SDK1: variants seen among roughly 807,000 people sequenced by gnomAD.
The protein encoded by SDK1 is sidekick cell adhesion molecule 1.
Under a neutral mutation model 245.5 loss-of-function variants are expected in SDK1, and 157 were observed. The ratio of observed to expected loss-of-function variants is 0.64; its 90% CI spans 0.56 to 0.73. The LOEUF (loss-of-function observed/expected upper bound fraction) is 0.73, where lower values mean the gene tolerates loss of function less well. SDK1 is among the 30% of genes least tolerant of loss of function. The pLI is 0.00. For missense variants in SDK1, 3,583 were observed against 3,002.3 expected (o/e 1.19, Z -4.52); for synonymous variants, 1,647 against 1,278.5 (o/e 1.29, Z -6.15).
Position 4,205,384 on chromosome 7 carries a change from C to T in SDK1, c.5099-495C>T, listed in dbSNP as rs184705912. On this transcript the variant is annotated intron_variant, in intron 35 of 44. Coordinates refer to ENST00000404826, the MANE Select transcript of SDK1 (RefSeq NM_152744.4). ...GTCAGGAGTCCTGTGACTCCCTCGCCGATAGAGCCGCAGTGACCCTGTCAC... is the reference window on the plus strand; with the variant it reads ...GTCAGGAGTCCTGTGACTCCCTCGCTGATAGAGCCGCAGTGACCCTGTCAC... Among the ~76,000 whole-genome samples, 5 of 152,204 alleles carry T rather than the reference C, an allele frequency of 3.3e-5. 1 individual carries two copies. Among genetic ancestry groups the T allele is most frequent in the Admixed American group, 6.5e-5 (1 of 15,292 alleles).
intron 1 of SDK1, among the ~76,000 whole-genome samples, chr7:3,580,989 A>AAC (rs1554292869): frequency 2.9e-5 from 4 of 136,410 alleles, no homozygotes; most frequent in Non-Finnish European, 6.3e-5. Flanking sequence ...AAAAAAAAAA[A>AAC]AAAAACCAAA....
chr7:3,353,515 G>C (rs919266935), intron 1 of SDK1, among the ~76,000 whole-genome samples: 1 of 152,134 alleles, frequency 6.6e-6, no homozygotes, highest in Non-Finnish European at 1.5e-5. Context: ...CTCTGTTTAT[G>C]CTCTTTGTAA....
chr7:3,640,987 AT>A (rs397942465), intron 3 of SDK1, among the ~76,000 whole-genome samples: 290 of 146,292 alleles, frequency 2.0e-3, no homozygotes, highest in East Asian at 6.4e-3. Context: ...CTGCGTTTAG[AT>A]TTTTTTTTTT....
At chr7:3,629,816 C>A (rs1782235978) in intron 2 of SDK1, among the ~76,000 whole-genome samples, 1 of 151,980 alleles carries the variant, frequency 6.6e-6, no homozygotes, top group Non-Finnish European at 1.5e-5. Flanking sequence ...AAAGCATGAC[C>A]CATAATCAGG....
intron 44 of SDK1, among the ~76,000 whole-genome samples, chr7:4,255,943 G>A (rs1371144344): frequency 1.4e-5 from 2 of 140,298 alleles, no homozygotes; most frequent in Admixed American, 1.4e-4. Flanking sequence ...TTTTTGAGAG[G>A]GAGTCTTGCT....
chr7:4,025,692 C>G (rs1453586188), intron 17 of SDK1, among the ~76,000 whole-genome samples: 2 of 152,208 alleles, frequency 1.3e-5, no homozygotes, highest in African/African-American at 2.4e-5. Flanking sequence ...GTAAACAAAG[C>G]ATAAAATAGA....
At chr7:3,990,690 C>G (rs151304970) in intron 14 of SDK1, among the ~76,000 whole-genome samples, 61 of 152,312 alleles carry the variant, frequency 4.0e-4, no homozygotes, top group Admixed American at 1.6e-3. Context: ...GCTCCTCATT[C>G]CCTGCACTTA....
intron 19 of SDK1, among the ~76,000 whole-genome samples, chr7:4,058,282 G>A (rs530124317): frequency 5.3e-4 from 81 of 152,028 alleles, no homozygotes; most frequent in African/African-American, 1.8e-3. Context: ...AGTAAGCTTC[G>A]GCAGTAGACT....
chr7:4,099,646 C>A (rs542060400), intron 22 of SDK1, among the ~76,000 whole-genome samples: 2 of 139,006 alleles, frequency 1.4e-5, no homozygotes, highest in South Asian at 5.2e-4. Flanking sequence ...ACTGGCTCAC[C>A]CTGGGAGGGC....
intron 4 of SDK1, among the ~76,000 whole-genome samples, chr7:3,818,315 G>C (rs1375486726): frequency 2.0e-5 from 3 of 152,166 alleles, no homozygotes; most frequent in Non-Finnish European, 4.4e-5. Flanking sequence ...AATAAGGCCA[G>C]GTAATTCATA....
chr7:3,715,978 T>C (rs560255909), intron 4 of SDK1, among the ~76,000 whole-genome samples: 6 of 152,260 alleles, frequency 3.9e-5, no homozygotes, highest in Admixed American at 3.3e-4. Flanking sequence ...GTGAGTGAAT[T>C]GAAACATTCC....
chr7:3,794,240 A>ATGTCCCTTCCCACATCTCC (rs1261898039), intron 4 of SDK1, among the ~76,000 whole-genome samples: 2 of 152,182 alleles, frequency 1.3e-5, no homozygotes, highest in Non-Finnish European at 2.9e-5. Context: ...GCATGGCCGA[A>ATGTCCCTTCCCACATCTCC]TGTCCCTTCC....
At chr7:4,178,432 A>G in intron 34 of SDK1, 53 bp from the exon 35 acceptor site, 1 of 1,338,270 alleles carries the variant, frequency 7.5e-7, no homozygotes, top group Non-Finnish European at 1.1e-6. Flanking sequence ...AACTTTGGAG[A>G]AAGAGAAGGT....
intron 20 of SDK1, among the ~76,000 whole-genome samples, chr7:4,076,257 G>A (rs185834095): frequency 2.6e-5 from 4 of 152,242 alleles, no homozygotes; most frequent in South Asian, 2.1e-4. Flanking sequence ...AAAAAATATC[G>A]GCTTCCAAAA....
chr7:3,476,495 C>T (rs1351741401), intron 1 of SDK1, among the ~76,000 whole-genome samples: 1 of 152,158 alleles, frequency 6.6e-6, no homozygotes, highest in Admixed American at 6.5e-5. Context: ...CCGAATGATA[C>T]AACTTAGTGA....
intron 7 of SDK1, chr7:3,957,893 G>T (rs1781395060): frequency 2.2e-6 from 1 of 455,978 alleles, no homozygotes; most frequent in African/African-American, 2.0e-5. Flanking sequence ...CGGAGTGGTT[G>T]ATTCAGGCAG....
chr7:3,968,052 G>A (rs1447605780), intron 10 of SDK1, among the ~76,000 whole-genome samples: 4 of 152,370 alleles, frequency 2.6e-5, no homozygotes, highest in Admixed American at 2.0e-4. Context: ...GCCTCCTCGG[G>A]CCTTACCGTG....
At chr7:3,680,049 G>A (rs923897569) in intron 4 of SDK1, among the ~76,000 whole-genome samples, 2 of 152,124 alleles carry the variant, frequency 1.3e-5, no homozygotes, top group Non-Finnish European at 2.9e-5. Context: ...TTCCTCAGTG[G>A]GTGAAAGAGT....
At chr7:3,983,543 T>C (rs184665478) in intron 13 of SDK1, among the ~76,000 whole-genome samples, 8 of 152,338 alleles carry the variant, frequency 5.3e-5, no homozygotes, top group Admixed American at 4.6e-4. Context: ...GCACACTTAA[T>C]AGACTGCAGT....
Sources: gnomAD v4.1 joint callset for allele counts (sites outside exome capture counted in the v4.1 genomes callset) on GRCh38, gnomAD v4.1.1 for gene constraint, MANE v1.5 for transcripts, NCBI Gene and HGNC (gene_info 2026-07-23, HGNC 2026-07-21) for gene names.